The following TRABD2B variants were observed in gnomAD, a reference collection of about 807,000 sequenced individuals.
The protein encoded by TRABD2B is metalloprotease TIKI2.
In TRABD2B, 14 loss-of-function variants were observed where a neutral mutation model predicts 40.1. The observed-to-expected ratio is 0.35, with a 90% confidence interval of 0.23 to 0.55. The LOEUF (loss-of-function observed/expected upper bound fraction) is 0.55, where lower values mean the gene tolerates loss of function less well. Ranked by LOEUF, TRABD2B falls within the 20% of genes least tolerant of loss-of-function variation. The pLI is 0.90. For missense variants in TRABD2B, 541 were observed against 648.6 expected (o/e 0.83, Z 1.80); for synonymous variants, 263 against 277.0 (o/e 0.95, Z 0.50).
chr1:47,943,560 A>G (rs1184729072), intron 2 of TRABD2B, among the ~76,000 whole-genome samples: 1 of 152,218 alleles, frequency 6.6e-6, no homozygotes. Flanking sequence ...TTAGAAGGAC[A>G]GGGTCATATA....
At chr1:47,950,771 A>G (rs1465520322) in intron 2 of TRABD2B, among the ~76,000 whole-genome samples, 1 of 152,192 alleles carries the variant, frequency 6.6e-6, no homozygotes, top group Non-Finnish European at 1.5e-5. Context: ...ATGTGTCCCC[A>G]AATTTTCAGC....
chr1:47,959,783 A>G (rs1489853355), intron 2 of TRABD2B, among the ~76,000 whole-genome samples: 1 of 152,220 alleles, frequency 6.6e-6, no homozygotes, highest in African/African-American at 2.4e-5. Context: ...TACCAGAGGT[A>G]CAAAGAGGAG....
At position 47,857,081 on chromosome 1, in the gene TRABD2B, C is replaced by T. The variant is rs961592349; in HGVS notation, c.667-55462G>A. On this transcript the variant is annotated intron_variant, in intron 2 of 6. Coordinates refer to ENST00000606738, the MANE Select transcript of TRABD2B (RefSeq NM_001194986.2). ...GGTCCTTGAGCCTGTTGGGAGATGG[C>T]CTTTGCAGCCAAGCAAACTGTGGCC... is the stretch of plus-strand genomic sequence containing the variant. 3.3e-5 allele frequency among the ~76,000 whole-genome samples: 5 copies of T among 152,306 alleles called. No homozygotes were observed. The East Asian group carries it at 9.7e-4, about 29-fold the overall frequency.
At chr1:47,978,846 C>A (rs144246095) in intron 2 of TRABD2B, among the ~76,000 whole-genome samples, 1 of 152,066 alleles carries the variant, frequency 6.6e-6, no homozygotes, top group African/African-American at 2.4e-5. Context: ...GTGAGGATCA[C>A]GGAATGACCA....
chr1:47,968,870 T>C (rs1450334535), intron 2 of TRABD2B, among the ~76,000 whole-genome samples: 1 of 152,158 alleles, frequency 6.6e-6, no homozygotes, highest in African/African-American at 2.4e-5. Context: ...TGTTTTGGGG[T>C]TGCGATTTCA....
intron 2 of TRABD2B, among the ~76,000 whole-genome samples, chr1:47,963,126 G>A (rs1016268240): frequency 1.3e-5 from 2 of 152,228 alleles, no homozygotes; most frequent in African/African-American, 4.8e-5. Flanking sequence ...AGCACAGACT[G>A]ACTTAAACAC....
At chr1:47,987,941 G>A (rs1239247784) in intron 2 of TRABD2B, among the ~76,000 whole-genome samples, 1 of 152,196 alleles carries the variant, frequency 6.6e-6, no homozygotes. Flanking sequence ...CACGGTGATG[G>A]AGGGGCTCTC....
chr1:47,815,421 G>A (rs1237049309), intron 2 of TRABD2B, among the ~76,000 whole-genome samples: 1 of 152,214 alleles, frequency 6.6e-6, no homozygotes, highest in East Asian at 1.9e-4. Flanking sequence ...ACCTTGGGCA[G>A]AGGGAGGACT....
chr1:47,785,574 C>T (rs992838215), intron 4 of TRABD2B, among the ~76,000 whole-genome samples: 1 of 152,346 alleles, frequency 6.6e-6, no homozygotes, highest in South Asian at 2.1e-4. Context: ...CTGAGGCTAA[C>T]AGAACTTGCC....
intron 2 of TRABD2B, among the ~76,000 whole-genome samples, chr1:47,966,746 A>T (rs1330006940): frequency 6.6e-6 from 1 of 151,874 alleles, no homozygotes; most frequent in Non-Finnish European, 1.5e-5. Context: ...CTCTACTGAA[A>T]ATATAAAAAT....
At chr1:47,876,920 C>A (rs1010163855) in intron 2 of TRABD2B, among the ~76,000 whole-genome samples, 1 of 152,200 alleles carries the variant, frequency 6.6e-6, no homozygotes, top group African/African-American at 2.4e-5. Flanking sequence ...TTCCTGTGTG[C>A]CAGGCACTGT....
intron 2 of TRABD2B, among the ~76,000 whole-genome samples, chr1:47,969,717 C>A (rs1272145568): frequency 6.6e-6 from 1 of 152,152 alleles, no homozygotes; most frequent in Non-Finnish European, 1.5e-5. Context: ...AGTAATTTGG[C>A]CTAAAAAGAA....
intron 4 of TRABD2B, among the ~76,000 whole-genome samples, chr1:47,790,763 C>T (rs1337697852): frequency 6.6e-6 from 1 of 152,370 alleles, no homozygotes; most frequent in East Asian, 1.9e-4. Context: ...TAAAATCCAT[C>T]TCGTGGTGTT....
intron 2 of TRABD2B, among the ~76,000 whole-genome samples, chr1:47,804,349 G>A (rs551110262): frequency 7.2e-5 from 11 of 152,262 alleles, no homozygotes; most frequent in Non-Finnish European, 1.3e-4. Context: ...AAGGCAACAG[G>A]CACTTCCTCC....
rs138237688 is a variant in TRABD2B, at chr1:47,893,173, G to T, written c.667-91554C>A. On this transcript the variant is annotated intron_variant, in intron 2 of 6. Transcript: ENST00000606738. ...ACCAGGAGAAGTGGATAAAGTTAGT[G>T]ACTTATTTATTGTTTTCTGTTTCAC... Among the ~76,000 whole-genome samples, 13 of 151,982 alleles carry T rather than the reference G, an allele frequency of 8.6e-5. No individual in the cohort carries two copies. In the East Asian group the frequency reaches 2.5e-3, roughly 29 times the overall value.
chr1:47,778,645 C>T (rs1644480126), intron 4 of TRABD2B, 101 bp from the exon 5 acceptor site: 2 of 818,540 alleles, frequency 2.4e-6, no homozygotes, highest in Non-Finnish European at 4.0e-6. Flanking sequence ...GGCCAGTGAC[C>T]TACACCAAAG....
chr1:47,762,327 A>G lies in TRABD2B; in HGVS notation c.*3575T>C, dbSNP rs1199848193. 6.6e-6 allele frequency: 1 copy of G among 152,232 alleles called. No homozygotes were observed. The highest frequency in any genetic ancestry group is 1.5e-5 in the Non-Finnish European group (1 of 68,050). The allele number at this position is 152,232 out of a possible 1,614,324, so 9.4% of individuals were successfully genotyped here. A position where few individuals can be genotyped will look rare whatever the true frequency, so the allele number is the denominator to read the frequency against. ...CTGAGGACTCTGGTTCTTATCTCACAGTCACTGAAAAACTATCACCAGCCC... is the reference window on the plus strand; with the variant it reads ...CTGAGGACTCTGGTTCTTATCTCACGGTCACTGAAAAACTATCACCAGCCC... On this transcript the variant is annotated 3_prime_UTR_variant, in exon 7 of 7. Transcript: ENST00000606738.
At chr1:47,831,768 C>T (rs529650984) in intron 2 of TRABD2B, among the ~76,000 whole-genome samples, 4 of 152,122 alleles carry the variant, frequency 2.6e-5, no homozygotes, top group Admixed American at 2.6e-4. Context: ...TGTGTAGTTC[C>T]CACCCACAGC....
intron 2 of TRABD2B, among the ~76,000 whole-genome samples, chr1:47,937,728 A>G (rs1243086681): frequency 6.6e-6 from 1 of 152,102 alleles, no homozygotes; most frequent in Non-Finnish European, 1.5e-5. Context: ...GGGCCACCCA[A>G]TGTTTAAGTG....
Sources: allele counts gnomAD v4.1 joint callset (sites outside exome capture counted in the v4.1 genomes callset), GRCh38; gene constraint gnomAD v4.1.1; transcripts MANE v1.5; gene names NCBI Gene and HGNC (gene_info 2026-07-23, HGNC 2026-07-21).